The following ABCA4 variants were observed in gnomAD, a reference collection of about 807,000 sequenced individuals.
The protein encoded by ABCA4 is retinal-specific phospholipid-transporting ATPase ABCA4.
In ABCA4, 196 loss-of-function variants were observed where a neutral mutation model predicts 263.7. That is an observed-to-expected ratio of 0.74 (90% confidence interval 0.66 to 0.84). The LOEUF (loss-of-function observed/expected upper bound fraction) is 0.84, where lower values mean the gene tolerates loss of function less well. Ranked by LOEUF, ABCA4 falls within the 40% of genes least tolerant of loss-of-function variation. The pLI is 0.00. For synonymous variants in ABCA4, 1,133 were observed against 1,094.2 expected, an observed-to-expected ratio of 1.04 and a Z score of -0.70; for missense variants, 2,792 against 2,855.1, an observed-to-expected ratio of 0.98 and a Z score of 0.50.
rs556279761 is a variant in ABCA4 at position 94,097,860 on chromosome 1, C to T, written c.768+934G>A. 3.4e-4 allele frequency among the ~76,000 whole-genome samples: 52 copies of T among 152,336 alleles called. No homozygotes were observed. In the South Asian group the frequency reaches 8.5e-3, roughly 25 times the overall value. ...CGCCTCCCGGGTTCACGCCATTCTC[C>T]GGCCTCAGCCTCCTCAGTAGCTGGG... On this transcript the variant is annotated intron_variant, in intron 6 of 49. Transcript: ENST00000370225.
rs187455156 is a variant in ABCA4, at chr1:94,100,256, G to A, written c.571-1265C>T. 4.7e-3 allele frequency among the ~76,000 whole-genome samples: 719 copies of A among 152,172 alleles called. 7 individuals are homozygous for A. Among genetic ancestry groups the A allele is most frequent in the African/African-American group, 0.017 (691 of 41,510 alleles). On this transcript the variant is annotated intron_variant, in intron 5 of 49. Transcript: ENST00000370225. The stretch of plus-strand genomic sequence containing the variant: ...ATAGTGAAACCAGAGCACTGAAGAG[G>A]GTGTGTTAAGAATAGCCACTAAAAG...
chr1:94,070,755 G>A (rs1333322717), intron 11 of ABCA4, among the ~76,000 whole-genome samples: 4 of 152,188 alleles, frequency 2.6e-5, no homozygotes, highest in African/African-American at 9.7e-5. Flanking sequence ...AGTCGAGTGG[G>A]GGAAGGATGG....
chr1:94,099,759 G>A (rs1413388462), intron 5 of ABCA4, among the ~76,000 whole-genome samples: 3 of 152,164 alleles, frequency 2.0e-5, no homozygotes, highest in Non-Finnish European at 4.4e-5. Context: ...AAAATTATTT[G>A]TTGTTTATCT....
intron 47 of ABCA4, 105 bp from the exon 48 acceptor site, chr1:93,998,215 G>T: frequency 6.7e-7 from 1 of 1,498,068 alleles, no homozygotes. Context: ...ATTAAGCTCA[G>T]CTTGGTGGCT....
intron 6 of ABCA4, among the ~76,000 whole-genome samples, chr1:94,085,199 G>A (rs972196596): frequency 1.3e-5 from 2 of 152,170 alleles, no homozygotes; most frequent in Non-Finnish European, 2.9e-5. Context: ...TACATATGGT[G>A]AAATGATATG....
At chr1:94,060,460 C>A in intron 14 of ABCA4, 77 bp downstream of exon 14, 10 of 1,372,868 alleles carry the variant, frequency 7.3e-6, no homozygotes, top group Non-Finnish European at 1.0e-5. Flanking sequence ...CATGACTAAT[C>A]CAGGCACATG....
At chr1:94,042,098 C>CAA (rs11334956) in intron 22 of ABCA4, among the ~76,000 whole-genome samples, 861 of 81,090 alleles carry the variant, frequency 0.011, 18 homozygotes, top group African/African-American at 0.02. Flanking sequence ...GATTCTGTCT[C>CAA]AAAAAAAAAA....
intron 45 of ABCA4, 21 bp from the exon 46 acceptor site, chr1:94,001,126 T>G: frequency 6.3e-7 from 1 of 1,595,600 alleles, no homozygotes; most frequent in Middle Eastern, 1.7e-4. Context: ...GAGAGAAGGT[T>G]GGGGGCACAG....
chr1:94,079,582 A>C, intron 8 of ABCA4, 121 bp from the exon 9 acceptor site: 1 of 1,431,496 alleles, frequency 7.0e-7, no homozygotes, highest in East Asian at 2.3e-5. Flanking sequence ...TTGATGAATA[A>C]CCTAAATTAA....
intron 11 of ABCA4, among the ~76,000 whole-genome samples, chr1:94,066,848 C>A (rs535754467): frequency 7.5e-4 from 114 of 152,328 alleles, no homozygotes; most frequent in Non-Finnish European, 1.3e-3. Flanking sequence ...TCTATATCTG[C>A]CCTGTCCAAT....
At position 94,030,543 on chromosome 1, in the gene ABCA4, A is replaced by T; in HGVS notation, c.4254-17T>A. 1 of 1,612,162 alleles carries T rather than the reference A, an allele frequency of 6.2e-7. No homozygotes were observed. The highest frequency in any genetic ancestry group is 8.5e-7 in the Non-Finnish European group (1 of 1,178,158). ...TCATCCATGCTAGACAGAGTGAGAC[A>T]TGTGACTGGGACAGAGCAGGCGCGT... On this transcript the variant is annotated splice_polypyrimidine_tract_variant and intron_variant, in intron 28 of 49. Coordinates refer to ENST00000370225, the MANE Select transcript of ABCA4 (RefSeq NM_000350.3).
chr1:94,045,693 G>C (rs1275221997), intron 19 of ABCA4: 1 of 451,720 alleles, frequency 2.2e-6, no homozygotes, highest in Admixed American at 2.4e-5. Context: ...AAATCTCCGC[G>C]ATCAACCACT....
chr1:94,014,778 C>A, intron 37 of ABCA4, 88 bp from the exon 38 acceptor site: 1 of 1,542,020 alleles, frequency 6.5e-7, no homozygotes, highest in Non-Finnish European at 8.9e-7. Flanking sequence ...TCCCCTTACA[C>A]CTGAGGTGAT....
At chr1:94,047,288 C>T (rs989531733) in intron 18 of ABCA4, among the ~76,000 whole-genome samples, 195 bp from the exon 19 acceptor site, 1 of 152,190 alleles carries the variant, frequency 6.6e-6, no homozygotes, top group African/African-American at 2.4e-5. Flanking sequence ...CTCCTATATG[C>T]CAGGCACTGC....
At chr1:93,998,185 A>C in intron 47 of ABCA4, 75 bp from the exon 48 acceptor site, 2 of 1,606,518 alleles carry the variant, frequency 1.2e-6, no homozygotes, top group African/African-American at 2.7e-5. Context: ...TAAGGAGTAG[A>C]CTCATCAGAA....
chr1:94,041,359 G>C lies in ABCA4; in HGVS notation c.3372C>G (p.Asp1124Glu), dbSNP rs746647738. 2 of 1,614,184 alleles carry C rather than the reference G, an allele frequency of 1.2e-6. No individual in the cohort carries two copies. Among genetic ancestry groups the C allele is most frequent in the Admixed American group, 3.3e-5 (2 of 60,030 alleles). ...TGATGGCAATGCGGTCCCCAAGGAG[G>C]TCGGCCTCGTCCATGTGGTGAGTGG... is the stretch of plus-strand genomic sequence containing the variant. ...IMSTHHMDEADLLGDRIAIIA... is the reference protein window; with the variant it reads ...IMSTHHMDEAELLGDRIAIIA... Residue 1124 changes from aspartate to glutamate, a missense_variant, in exon 23 of 50, where the codon GAC becomes GAG. Transcript: ENST00000370225.
intron 6 of ABCA4, among the ~76,000 whole-genome samples, chr1:94,097,933 T>A (rs977403325): frequency 2.0e-5 from 3 of 151,988 alleles, no homozygotes; most frequent in African/African-American, 4.8e-5. Flanking sequence ...TGTGTGTGTG[T>A]TTTTTAGTAG....
intron 11 of ABCA4, among the ~76,000 whole-genome samples, chr1:94,066,416 G>T (rs1483043117): frequency 6.6e-6 from 1 of 152,182 alleles, no homozygotes; most frequent in Non-Finnish European, 1.5e-5. Context: ...GAGAATTTTA[G>T]TATTGGCAAT....
chr1:94,077,948 G>A, intron 10 of ABCA4, 61 bp from the exon 11 acceptor site: 2 of 1,515,620 alleles, frequency 1.3e-6, no homozygotes, highest in Middle Eastern at 1.9e-4. Flanking sequence ...CTTTGGTCTT[G>A]TTCTTCAGCC....
Sources: allele counts gnomAD v4.1 joint callset (sites outside exome capture counted in the v4.1 genomes callset), GRCh38; gene constraint gnomAD v4.1.1; transcripts MANE v1.5; gene names NCBI Gene and HGNC (gene_info 2026-07-23, HGNC 2026-07-21).